ABCB7: variants seen among roughly 807,000 people sequenced by gnomAD.
ABCB7 encodes iron-sulfur clusters transporter ABCB7, mitochondrial.
ABCB7 carries 7 observed loss-of-function variants against 54.4 expected under a neutral mutation model. The observed-to-expected ratio is 0.13, with a 90% CI of 0.07 to 0.24. The LOEUF (loss-of-function observed/expected upper bound fraction) is 0.24. Ranked by LOEUF, ABCB7 falls within the 10% of genes least tolerant of loss-of-function variation. The pLI, the probability that ABCB7 is intolerant of heterozygous loss-of-function variation, is 1.00. For synonymous variants in ABCB7, 218 were observed against 207.1 expected (o/e 1.05, Z -0.45); for missense variants, 356 against 570.4 (o/e 0.62, Z 3.83).
At chrX:75,054,343 A>T (rs1041849836) in intron 15 of ABCB7, among the ~76,000 whole-genome samples, 2 of 111,743 alleles carry the variant, frequency 1.8e-5, no homozygotes. Flanking sequence ...CATTTCTGGC[A>T]TTATCTACTA....
At position 75,076,645 on chromosome X, in the gene ABCB7, T is replaced by C; in HGVS notation, c.463A>G (p.Ile155Val). Residue 155 changes from isoleucine to valine, a missense_variant, in exon 5 of 16, where the codon ATT (isoleucine) becomes GTT (valine). Coordinates refer to ENST00000373394, the MANE Select transcript of ABCB7 (RefSeq NM_001271696.3). ...TATTTAAACATGAAGGGAACCACAA[T>C]ATTCATGGCCTAAAAACATAAAAAC... ...GFLGGAKAMN[I>V]VVPFMFKYAV... The C allele has an allele frequency of 3.3e-6, 4 of 1,208,958 alleles. No homozygotes were observed. Among genetic ancestry groups the C allele is most frequent in the Non-Finnish European group, 4.5e-6 (4 of 893,211 alleles).
At chrX:75,093,477 T>C (rs191047069) in intron 4 of ABCB7, among the ~76,000 whole-genome samples, 2 of 111,043 alleles carry the variant, frequency 1.8e-5, no homozygotes, top group East Asian at 5.7e-4. Context: ...AACTATTCTA[T>C]ATGATATCAT....
At chrX:75,135,164 A>T (rs756584960) in intron 1 of ABCB7, among the ~76,000 whole-genome samples, 1 of 103,459 alleles carries the variant, frequency 9.7e-6, no homozygotes, top group African/African-American at 3.5e-5. Context: ...CGCAGATATT[A>T]AAAAAAAAAA....
At chrX:75,058,291 C>T (rs978792775) in intron 15 of ABCB7, among the ~76,000 whole-genome samples, 2 of 111,295 alleles carry the variant, frequency 1.8e-5, no homozygotes, top group East Asian at 2.8e-4. Flanking sequence ...CAGTTTCCCC[C>T]AATTTGCTGG....
At chrX:75,133,781 T>G (rs954084024) in intron 1 of ABCB7, among the ~76,000 whole-genome samples, 2 of 111,698 alleles carry the variant, frequency 1.8e-5, no homozygotes, top group African/African-American at 6.5e-5. Context: ...CAAGCAAATG[T>G]TAAGGGAATT....
chrX:75,069,160 T>C, intron 11 of ABCB7, 24 bp from the exon 12 acceptor site: 1 of 1,208,573 alleles, frequency 8.3e-7, no homozygotes, highest in Non-Finnish European at 1.1e-6. Context: ...TGAAGAAAGG[T>C]TATTTAGCTC....
At chrX:75,139,380 C>G (rs973173011) in intron 1 of ABCB7, among the ~76,000 whole-genome samples, 1 of 111,939 alleles carries the variant, frequency 8.9e-6, no homozygotes, top group African/African-American at 3.3e-5. Flanking sequence ...CATGAGTTAT[C>G]TTGCCTAGAA....
chrX:75,071,710 G>C, intron 8 of ABCB7, 27 bp from the exon 9 acceptor site: 1 of 998,321 alleles, frequency 1.0e-6, no homozygotes, highest in African/African-American at 1.9e-5. Context: ...AATAACTATA[G>C]GCAAGTATAA....
intron 4 of ABCB7, among the ~76,000 whole-genome samples, chrX:75,097,719 C>A (rs1425237990): frequency 9.0e-6 from 1 of 111,425 alleles, no homozygotes; most frequent in East Asian, 2.8e-4. Flanking sequence ...CATAGCCAAA[C>A]CTCCTTTATG....
intron 4 of ABCB7, among the ~76,000 whole-genome samples, chrX:75,084,082 C>A (rs2081477418): frequency 9.0e-6 from 1 of 110,729 alleles, no homozygotes; most frequent in African/African-American, 3.3e-5. Context: ...GCTGTTGATG[C>A]TGAAGATGGA....
chrX:75,075,611 T>C lies in ABCB7; in HGVS notation c.606A>G (p.Gly202=), dbSNP rs759902348. ...TTCGAACTTCGTTAAAAAAAGCAGC[T>C]CCAGCTCTTGATACACCATCTAACA... ...VLIGYGVSRA[G]AAFFNEVRNA... The change falls in exon 6 of 16, where the codon GGA becomes GGG. Residue 202 remains glycine, a synonymous_variant. Coordinates refer to ENST00000373394, the MANE Select transcript of ABCB7 (RefSeq NM_001271696.3). 3.3e-6 allele frequency: 4 copies of C among 1,208,882 alleles called. No individual in the cohort carries two copies. In the East Asian group the frequency reaches 1.2e-4, roughly 36 times the overall value.
intron 1 of ABCB7, among the ~76,000 whole-genome samples, chrX:75,121,137 A>C (rs1465870534): frequency 9.1e-6 from 1 of 109,300 alleles, no homozygotes; most frequent in African/African-American, 3.3e-5. Flanking sequence ...AAAAATACAA[A>C]AATTAGCCAG....
chrX:75,114,945 AGAT>A lies in ABCB7; in HGVS notation c.169-117_169-115del, dbSNP rs199524730. Reference sequence around the variant, plus strand: ...AATTAAAACCATAGCCATATTGGAGAGATGATTATGCTTTTAACGTATGCCTAA... The same window carrying A: ...AATTAAAACCATAGCCATATTGGAGAGATTATGCTTTTAACGTATGCCTAA... On this transcript the variant is annotated intron_variant, in intron 1 of 15. Coordinates refer to ENST00000373394, the MANE Select transcript of ABCB7 (RefSeq NM_001271696.3). 4,906 of 638,190 alleles carry A rather than the reference AGAT, an allele frequency of 7.7e-3. 167 individuals carry two copies. The African/African-American group carries it at 0.099, about 13-fold the overall frequency. 52.6% of individuals were successfully genotyped at this position (638,190 alleles called of 1,213,427 possible). A position where few individuals can be genotyped will look rare whatever the true frequency, so the allele number is the denominator to read the frequency against.
intron 1 of ABCB7, among the ~76,000 whole-genome samples, chrX:75,117,464 G>A (rs1387192951): frequency 9.0e-6 from 1 of 110,661 alleles, no homozygotes; most frequent in Non-Finnish European, 1.9e-5. Flanking sequence ...TCCTAAGACA[G>A]GGTTAAAGGC....
intron 1 of ABCB7, among the ~76,000 whole-genome samples, chrX:75,152,324 AT>A (rs2082137391): frequency 9.0e-6 from 1 of 111,543 alleles, no homozygotes; most frequent in Admixed American, 9.5e-5. Flanking sequence ...TAGTTCCCTT[AT>A]AAGAGGGGCC....
chrX:75,107,730 C>T (rs1387755193), intron 3 of ABCB7, among the ~76,000 whole-genome samples: 1 of 109,017 alleles, frequency 9.2e-6, no homozygotes, highest in Admixed American at 9.7e-5. Flanking sequence ...AGGTGAGCCT[C>T]TGAGAATTGC....
intron 2 of ABCB7, among the ~76,000 whole-genome samples, chrX:75,113,719 C>T (rs1014341174): frequency 2.7e-5 from 3 of 111,510 alleles, no homozygotes; most frequent in Non-Finnish European, 5.7e-5. Flanking sequence ...AACACAAATG[C>T]GTATCAATAT....
At chrX:75,068,172 G>T (rs2081336932) in intron 12 of ABCB7, among the ~76,000 whole-genome samples, 1 of 110,855 alleles carries the variant, frequency 9.0e-6, no homozygotes, top group South Asian at 3.9e-4. Flanking sequence ...GAGTCCATGT[G>T]TGCGATCATT....
At chrX:75,132,606 G>T (rs932628920) in intron 1 of ABCB7, among the ~76,000 whole-genome samples, 7 of 112,463 alleles carry the variant, frequency 6.2e-5, no homozygotes, top group African/African-American at 2.3e-4. Flanking sequence ...CACTCTCAAA[G>T]CACTGAGAGG....
Sources: gnomAD v4.1 joint callset for allele counts (sites outside exome capture counted in the v4.1 genomes callset) on GRCh38, gnomAD v4.1.1 for gene constraint, MANE v1.5 for transcripts, NCBI Gene and HGNC (gene_info 2026-07-23, HGNC 2026-07-21) for gene names.